Variants in RPL15 observed in about 807,000 individuals in gnomAD.
RPL15 encodes ribosomal protein L15.
For synonymous variants in RPL15, 97 were observed against 95.1 expected (o/e 1.02, Z -0.12); for missense variants, 161 against 271.8 (o/e 0.59, Z 2.87).
downstream of RPL15, chr3:23,921,575 T>TG (rs1559513555): frequency 3.1e-5 from 17 of 547,066 alleles, no homozygotes; most frequent in Admixed American, 2.4e-4. Flanking sequence ...ATTGAGTTTT[T>TG]TTTTTTTTTT....
At position 23,920,912 on chromosome 3, in the gene RPL15, T is replaced by C. The variant is rs1202191147; in HGVS notation, c.*1411T>C. The C allele has an allele frequency of 3.2e-6, 1 of 316,258 alleles. No homozygotes were observed. Among genetic ancestry groups the C allele is most frequent in the African/African-American group, 2.2e-5 (1 of 44,496 alleles). The allele number at this position is 316,258 out of a possible 1,614,324, so 19.6% of individuals were successfully genotyped here. On this transcript the variant is annotated 3_prime_UTR_variant, in exon 4 of 4. Coordinates refer to ENST00000307839, the MANE Select transcript of RPL15 (RefSeq NM_002948.5). ...GTACTTTAAAGCAAACCAAATGCCC[T>C]AACCAGCAAAAAGGCATCAAAATGT...
chr3:23,917,993 C>T lies in RPL15; in HGVS notation c.134C>T (p.Pro45Leu). Reference sequence around the variant, plus strand: ...CACAGGGCTCCCCGCCCCACCCGGCCTGATAAAGCGCGCCGACTGGGCTAC... The same window carrying T: ...CACAGGGCTCCCCGCCCCACCCGGCTTGATAAAGCGCGCCGACTGGGCTAC... ...ALHRAPRPTR[P>L]DKARRLGYKA... The change falls in exon 2 of 4, where the codon CCT becomes CTT. Residue 45 changes from proline to leucine, a missense_variant. Transcript: ENST00000307839. 4 of 1,611,546 alleles carry T rather than the reference C, an allele frequency of 2.5e-6. No homozygotes were observed. The highest frequency in any genetic ancestry group is 3.4e-6 in the Non-Finnish European group (4 of 1,179,246).
upstream of RPL15, chr3:23,916,828 C>A (rs1375023348): frequency 1.3e-5 from 2 of 152,774 alleles, no homozygotes; most frequent in East Asian, 3.8e-4. Flanking sequence ...CACCGCGGTA[C>A]GCGGCCACCG....
chr3:23,918,840 C>A, intron 3 of RPL15: 2 of 520,454 alleles, frequency 3.8e-6, no homozygotes, highest in Non-Finnish European at 6.7e-6. Flanking sequence ...GCCTGCACAG[C>A]CTAAAATATA....
Position 23,920,462 on chromosome 3 carries a change from T to C in RPL15, c.*961T>C. ...TAAAAATCCTTACCATTCCACAAAG[T>C]TGGACCATCACTTGTGCACCCACTT... On this transcript the variant is annotated 3_prime_UTR_variant, in exon 4 of 4. Transcript: ENST00000307839. 1 of 985,420 alleles carries C rather than the reference T, an allele frequency of 1.0e-6. No individual in the cohort carries two copies. The highest frequency in any genetic ancestry group is 1.2e-6 in the Non-Finnish European group (1 of 829,922). 61.0% of individuals were successfully genotyped at this position (985,420 alleles called of 1,614,324 possible). A position where few individuals can be genotyped will look rare whatever the true frequency, so the allele number is the denominator to read the frequency against.
At chr3:23,919,065 G>T (rs916326653) in intron 3 of RPL15, 131 bp from the exon 4 acceptor site, 1 of 651,958 alleles carries the variant, frequency 1.5e-6, no homozygotes, top group African/African-American at 1.8e-5. Flanking sequence ...AGGGAGAAAT[G>T]CTTAGTAAAT....
At position 23,917,986 on chromosome 3, in the gene RPL15, A is replaced by T; in HGVS notation, c.127A>T (p.Thr43Ser). Residue 43 changes from threonine (T) to serine (S), a missense_variant, in exon 2 of 4, where the codon ACC becomes TCC. Transcript: ENST00000307839. ...TGCTCTCCACAGGGCTCCCCGCCCC[A>T]CCCGGCCTGATAAAGCGCGCCGACT... Reference protein sequence around the residue: ...LSALHRAPRPTRPDKARRLGY... With the variant: ...LSALHRAPRPSRPDKARRLGY... 1 of 1,612,234 alleles carries T rather than the reference A, an allele frequency of 6.2e-7. No homozygotes were observed. Among genetic ancestry groups the T allele is most frequent in the Non-Finnish European group, 8.5e-7 (1 of 1,179,416 alleles).
intron 2 of RPL15, 100 bp from the exon 3 acceptor site, chr3:23,918,340 C>G (rs1704809265): frequency 7.5e-7 from 1 of 1,337,916 alleles, no homozygotes; most frequent in African/African-American, 1.5e-5. Flanking sequence ...CATTAACTTA[C>G]TGTTGAAGTA....
downstream of RPL15, chr3:23,924,457 T>A (rs980152860): frequency 4.6e-5 from 7 of 152,152 alleles, no homozygotes; most frequent in Admixed American, 1.3e-4. Flanking sequence ...CAGGCTGGAG[T>A]ACAGTAGCAC....
chr3:23,921,845 G>C (rs1040891825), downstream of RPL15: 6 of 522,466 alleles, frequency 1.1e-5, no homozygotes, highest in African/African-American at 1.2e-4. Flanking sequence ...AAAGTGCTGG[G>C]ATTACAGGCG....
chr3:23,919,451 C>T lies in RPL15; in HGVS notation c.565C>T (p.Arg189Trp), dbSNP rs370345068. Reference sequence around the variant, plus strand: ...CCACCACACTATTGGTGGCTCTCGCCGGGCAGCTTGGAGAAGGCGCAATAC... The same window carrying T: ...CCACCACACTATTGGTGGCTCTCGCTGGGCAGCTTGGAGAAGGCGCAATAC... ...KFHHTIGGSRRAAWRRRNTLQ... is the reference protein window; with the variant it reads ...KFHHTIGGSRWAAWRRRNTLQ... The change falls in exon 4 of 4, where the codon CGG (arginine) becomes TGG (tryptophan). Residue 189 changes from arginine (R) to tryptophan (W), a missense_variant. Transcript: ENST00000307839. The T allele has an allele frequency of 1.1e-5, 17 of 1,603,904 alleles. No individual in the cohort carries two copies. The highest frequency in any genetic ancestry group is 5.0e-5 in the Admixed American group (3 of 59,880).
At chr3:23,918,242 G>A in intron 2 of RPL15, 198 bp from the exon 3 acceptor site, 2 of 911,420 alleles carry the variant, frequency 2.2e-6, no homozygotes, top group Non-Finnish European at 1.6e-6. Flanking sequence ...TCAGACTAAA[G>A]CAAAATAAAC....
rs745714508 is a variant in RPL15, at chr3:23,918,567, C to T, written c.300C>T (p.Ser100=). 6.8e-6 allele frequency: 11 copies of T among 1,613,714 alleles called. No individual in the cohort carries two copies. The highest frequency in any genetic ancestry group is 1.7e-5 in the Admixed American group (1 of 59,974). ...NQLKFARSLQ[S]VAEERAGRHC... Reference sequence around the variant, plus strand: ...TAAAGTTTGCTCGAAGCCTTCAGTCCGTTGCAGAGGTAAATGGTTTTGAGT... The same window carrying T: ...TAAAGTTTGCTCGAAGCCTTCAGTCTGTTGCAGAGGTAAATGGTTTTGAGT... Residue 100 remains serine, a synonymous_variant, in exon 3 of 4, where the codon TCC becomes TCT. Coordinates refer to ENST00000307839, the MANE Select transcript of RPL15 (RefSeq NM_002948.5).
chr3:23,918,067 T>A (rs1704767195), intron 2 of RPL15, 36 bp downstream of exon 2: 1 of 1,583,130 alleles, frequency 6.3e-7, no homozygotes, highest in African/African-American at 1.4e-5. Context: ...TGGATAAAAT[T>A]ATATTCGAGA....
chr3:23,918,308 T>G (rs1263133256), intron 2 of RPL15, 132 bp from the exon 3 acceptor site: 1 of 1,125,894 alleles, frequency 8.9e-7, no homozygotes, highest in South Asian at 1.6e-5. Context: ...TGGGATGTGT[T>G]TTATTTTTTT....
downstream of RPL15, chr3:23,923,168 TGTTTA>T (rs1308533976): frequency 1.3e-5 from 2 of 152,134 alleles, no homozygotes; most frequent in Admixed American, 6.6e-5. Context: ...TTGATTTTTT[TGTTTA>T]GTTATGTATC....
At chr3:23,921,232 G>C (rs938285046), downstream of RPL15, among the ~76,000 whole-genome samples, 1 of 152,148 alleles carries the variant, frequency 6.6e-6, no homozygotes, top group Non-Finnish European at 1.5e-5. Context: ...TCCTGTCCTT[G>C]CTACCCAACA....
rs1451486803 is a variant in RPL15 at position 23,920,348 on chromosome 3, C to T, written c.*847C>T. On this transcript the variant is annotated 3_prime_UTR_variant, in exon 4 of 4. Coordinates refer to ENST00000307839, the MANE Select transcript of RPL15 (RefSeq NM_002948.5). ...TCTTGGGTTACCCACTCTGTCCACT[C>T]CCATAGGCTACAGAAAAAGTCACAA... The T allele has an allele frequency of 2.0e-6, 2 of 985,516 alleles. No individual in the cohort carries two copies. Among genetic ancestry groups the T allele is most frequent in the African/African-American group, 1.7e-5 (1 of 57,364 alleles). 61.0% of individuals were successfully genotyped at this position (985,516 alleles called of 1,614,324 possible). A position where few individuals can be genotyped will look rare whatever the true frequency, so the allele number is the denominator to read the frequency against.
At chr3:23,921,570 GTTTTTT>G (rs71622703), downstream of RPL15, 65 of 508,718 alleles carry the variant, frequency 1.3e-4, no homozygotes, top group Admixed American at 2.2e-4. Flanking sequence ...TGATTATTGA[GTTTTTT>G]TTTTTTTTTT....
Sources: allele counts gnomAD v4.1 joint callset (sites outside exome capture counted in the v4.1 genomes callset), GRCh38; gene constraint gnomAD v4.1.1; transcripts MANE v1.5; gene names NCBI Gene and HGNC (gene_info 2026-07-23, HGNC 2026-07-21).